Variants in SLC26A5 observed in about 807,000 individuals in gnomAD.
SLC26A5 encodes the protein solute carrier family 26 member 5.
A neutral mutation model predicts 81.0 loss-of-function variants in SLC26A5; 51 were observed. The observed-to-expected ratio is 0.63, with a 90% CI of 0.50 to 0.80. The LOEUF is 0.80. Among genes scored for constraint, SLC26A5 ranks in the 30% least tolerant of loss-of-function variants. The probability of loss-of-function intolerance (pLI) is 0.00; values close to 1 mark genes in which losing one functional copy is unlikely to be tolerated. For missense variants in SLC26A5, 771 were observed against 905.8 expected (o/e 0.85, Z 1.91); for synonymous variants, 325 against 332.8 (o/e 0.98, Z 0.25).
At chr7:103,394,706 C>G (rs1822948294) in intron 9 of SLC26A5, among the ~76,000 whole-genome samples, 1 of 152,074 alleles carries the variant, frequency 6.6e-6, no homozygotes, top group African/African-American at 2.4e-5. Flanking sequence ...TGGTAGTTTG[C>G]CTCCAAATAG....
exon 20 of SLC26A5, chr7:103,352,926 G>A (rs1819804881): frequency 9.0e-6 from 7 of 780,872 alleles, no homozygotes; most frequent in Non-Finnish European, 1.4e-5. Context: ...CTGTATGAAA[G>A]CTGAAACAAG....
At chr7:103,354,957 T>G in intron 19 of SLC26A5, 1 of 1,566,394 alleles carries the variant, frequency 6.4e-7, no homozygotes, top group Non-Finnish European at 8.8e-7. Context: ...CTGGTATGTA[T>G]TTTTAAATTC....
Position 103,389,325 on chromosome 7 carries a change from T to A in SLC26A5, c.1407+4A>T. On this transcript the variant is annotated splice_donor_region_variant and intron_variant, in intron 13 of 19. Transcript: ENST00000306312. ...TTAACAGAGCCATCACCTTTGTTAC[T>A]TACCAGCTCTATTTTGCTGGTTCTC... 6.3e-7 allele frequency: 1 copy of A among 1,596,626 alleles called. No individual in the cohort carries two copies. Among genetic ancestry groups the A allele is most frequent in the East Asian group, 2.2e-5 (1 of 44,786 alleles).
chr7:103,376,695 A>G (rs1586204398), intron 19 of SLC26A5, 113 bp downstream of exon 19: 2 of 849,042 alleles, frequency 2.4e-6, no homozygotes, highest in Non-Finnish European at 3.7e-6. Context: ...CAGAAGAACA[A>G]TTTTCATTTT....
At chr7:103,411,186 T>C (rs1792609464) in intron 6 of SLC26A5, among the ~76,000 whole-genome samples, 1 of 152,214 alleles carries the variant, frequency 6.6e-6, no homozygotes, top group African/African-American at 2.4e-5. Context: ...TAACCAATCC[T>C]GCCGTGTCAA....
At chr7:103,441,211 C>T (rs1562817289) in intron 2 of SLC26A5, among the ~76,000 whole-genome samples, 1 of 152,178 alleles carries the variant, frequency 6.6e-6, no homozygotes, top group Non-Finnish European at 1.5e-5. Flanking sequence ...CATTTTTGCT[C>T]AACTCATGTC....
intron 10 of SLC26A5, 88 bp downstream of exon 10, chr7:103,392,831 C>T: frequency 1.3e-6 from 2 of 1,540,736 alleles, no homozygotes; most frequent in Admixed American, 1.7e-5. Flanking sequence ...CCTGCCTTGG[C>T]CTCCCGAAGT....
At chr7:103,415,859 C>G (rs754987230) in intron 4 of SLC26A5, among the ~76,000 whole-genome samples, 7 of 152,132 alleles carry the variant, frequency 4.6e-5, no homozygotes, top group Non-Finnish European at 1.0e-4. Flanking sequence ...GGGGATTACT[C>G]TTTGATCATT....
chr7:103,435,230 C>T (rs763571897), intron 2 of SLC26A5: 1 of 152,182 alleles, frequency 6.6e-6, no homozygotes, highest in Non-Finnish European at 1.5e-5. Context: ...CAACTCTAAT[C>T]ATGCTAAGAG....
chr7:103,433,075 C>T (rs1485236262), intron 2 of SLC26A5, among the ~76,000 whole-genome samples: 1 of 152,100 alleles, frequency 6.6e-6, no homozygotes, highest in Non-Finnish European at 1.5e-5. Context: ...TAGAGTTTGC[C>T]TAATACTCTA....
intron 6 of SLC26A5, among the ~76,000 whole-genome samples, chr7:103,410,953 A>C (rs1459104779): frequency 2.6e-5 from 4 of 152,024 alleles, no homozygotes; most frequent in Non-Finnish European, 5.9e-5. Flanking sequence ...TAACACTGCA[A>C]ACTTGTACCT....
chr7:103,408,969 A>T (rs1171225367), intron 7 of SLC26A5, among the ~76,000 whole-genome samples: 2 of 152,200 alleles, frequency 1.3e-5, no homozygotes, highest in African/African-American at 4.8e-5. Context: ...CAGAGTAAGA[A>T]GTATGATAAT....
intron 15 of SLC26A5, 71 bp downstream of exon 15, chr7:103,380,408 TG>T: frequency 7.8e-7 from 1 of 1,288,936 alleles, no homozygotes; most frequent in South Asian, 1.2e-5. Flanking sequence ...CTTTTTATCC[TG>T]GGTAAAAACA....
At chr7:103,363,341 T>A in intron 19 of SLC26A5, 1 of 1,609,598 alleles carries the variant, frequency 6.2e-7, no homozygotes, top group Non-Finnish European at 8.5e-7. Flanking sequence ...GTCCCTCTCT[T>A]AGGTGGAAGA....
Position 103,398,950 on chromosome 7 carries a change from G to A in SLC26A5, c.889-936C>T, listed in dbSNP as rs184884569. Among the ~76,000 whole-genome samples, 31 of 152,062 alleles carry A rather than the reference G, an allele frequency of 2.0e-4. No homozygotes were observed. The East Asian group carries it at 5.0e-3, about 25-fold the overall frequency. On this transcript the variant is annotated intron_variant, in intron 8 of 19. Transcript: ENST00000306312. ...CATTTTTTGTGCATCTCTAACTAGG[G>A]GAGTGCCTAGAGTATTCAAATCCAC...
At chr7:103,357,195 G>A (rs922578144) in intron 19 of SLC26A5, among the ~76,000 whole-genome samples, 3 of 151,920 alleles carry the variant, frequency 2.0e-5, no homozygotes, top group East Asian at 1.9e-4. Flanking sequence ...GTGTGGTGGC[G>A]GGCGCTTGTA....
At chr7:103,353,931 G>C (rs1462921430) in intron 19 of SLC26A5, 10 of 1,603,492 alleles carry the variant, frequency 6.2e-6, no homozygotes, top group Non-Finnish European at 8.5e-6. Context: ...CTCTGGATGA[G>C]GGGGATATTG....
chr7:103,434,588 T>C (rs541382627), intron 2 of SLC26A5, among the ~76,000 whole-genome samples: 1 of 152,176 alleles, frequency 6.6e-6, no homozygotes, highest in African/African-American at 2.4e-5. Flanking sequence ...TCTCTCCTCT[T>C]TTCTAGCATA....
chr7:103,381,842 T>C (rs900946134), intron 14 of SLC26A5, among the ~76,000 whole-genome samples: 1 of 149,418 alleles, frequency 6.7e-6, no homozygotes, highest in South Asian at 2.1e-4. Context: ...AACACACACA[T>C]GCATATACAC....
Sources: gnomAD v4.1 joint callset for allele counts (sites outside exome capture counted in the v4.1 genomes callset) on GRCh38, gnomAD v4.1.1 for gene constraint, MANE v1.5 for transcripts, NCBI Gene and HGNC (gene_info 2026-07-23, HGNC 2026-07-21) for gene names.